Variants in TET3 observed in about 807,000 individuals in gnomAD.
TET3 encodes tet methylcytosine dioxygenase 3.
A neutral mutation model predicts 141.4 loss-of-function variants in TET3; 19 were observed. The ratio of observed to expected loss-of-function variants is 0.13; its 90% CI spans 0.09 to 0.20. The LOEUF is 0.20. Ranked by LOEUF, TET3 falls within the 10% of genes least tolerant of loss-of-function variation. TET3 has a pLI of 1.00. For missense variants in TET3, 1,874 were observed against 2,356.9 expected (o/e 0.80, Z 4.24); for synonymous variants, 1,043 against 980.9 (o/e 1.06, Z -1.18).
the TET3 span, among the ~76,000 whole-genome samples, chr2:74,118,615 G>T: frequency 6.6e-6 from 1 of 152,102 alleles, no homozygotes; most frequent in African/African-American, 2.4e-5. Context: ...GTATATGTGG[G>T]TTAGTCAGAA....
intron 3 of TET3, among the ~76,000 whole-genome samples, chr2:74,016,824 A>T (rs1487405963): frequency 1.4e-4 from 20 of 142,810 alleles, no homozygotes; most frequent in Non-Finnish European, 2.5e-4. Flanking sequence ...TATTTAATTG[A>T]CACATAATTA....
intron 3 of TET3, among the ~76,000 whole-genome samples, chr2:74,036,902 G>T (rs1687093714): frequency 6.6e-6 from 1 of 152,116 alleles, no homozygotes; most frequent in African/African-American, 2.4e-5. Context: ...TATCACCCCA[G>T]CCACTGACAG....
At chr2:74,134,949 G>A in the TET3 span, 2 of 328,752 alleles carry the variant, frequency 6.1e-6, no homozygotes, top group Non-Finnish European at 1.2e-5. Flanking sequence ...CATCTGATTG[G>A]CTGAGTCTGG....
chr2:74,065,193 A>T (rs1310770406), intron 4 of TET3, among the ~76,000 whole-genome samples: 1 of 152,242 alleles, frequency 6.6e-6, no homozygotes, highest in Admixed American at 6.5e-5. Context: ...AACTCATAGA[A>T]ATTATGCATA....
intron 4 of TET3, among the ~76,000 whole-genome samples, chr2:74,067,059 C>T (rs1220203778): frequency 6.6e-6 from 1 of 152,122 alleles, no homozygotes; most frequent in South Asian, 2.1e-4. Flanking sequence ...TTTCAGACCA[C>T]TGCCTCCATC....
At chr2:74,119,571 G>C in the TET3 span, among the ~76,000 whole-genome samples, 3 of 152,090 alleles carry the variant, frequency 2.0e-5, no homozygotes, top group African/African-American at 7.2e-5. Flanking sequence ...TTTGACTTTT[G>C]GCTAAGGCAA....
intron 11 of TET3, among the ~76,000 whole-genome samples, chr2:74,100,066 G>GGGT (rs1691091761): frequency 6.6e-6 from 1 of 152,148 alleles, no homozygotes; most frequent in Non-Finnish European, 1.5e-5. Flanking sequence ...GGCACAGAGT[G>GGGT]GGTGGTGGTG....
chr2:74,120,495 T>C, the TET3 span, among the ~76,000 whole-genome samples: 2 of 152,340 alleles, frequency 1.3e-5, no homozygotes, highest in South Asian at 4.1e-4. Flanking sequence ...TGGCCGGTTA[T>C]TCACACGTTC....
At chr2:74,048,697 G>A (rs1170583686) in intron 4 of TET3, among the ~76,000 whole-genome samples, 1 of 152,140 alleles carries the variant, frequency 6.6e-6, no homozygotes, top group Non-Finnish European at 1.5e-5. Context: ...TAGTACTTGC[G>A]CCGAGCCCTA....
At chr2:74,036,254 G>A (rs180986837) in intron 3 of TET3, among the ~76,000 whole-genome samples, 8 of 152,292 alleles carry the variant, frequency 5.3e-5, no homozygotes, top group South Asian at 2.1e-4. Context: ...GTGGGGCCAC[G>A]ATTCAAACTA....
rs61217149 is a variant in TET3 at position 74,032,451 on chromosome 2, C to CTGTG, written c.361-13773_361-13770dup. On this transcript the variant is annotated intron_variant, in intron 3 of 11. Coordinates refer to ENST00000409262, the MANE Select transcript of TET3 (RefSeq NM_001287491.2). ...CAGCGGCTGCAAGAGGGGTGTGTCT[C>CTGTG]TGTGTGTGTGTGTGTGTGTGTGTGT... Among the ~76,000 whole-genome samples the CTGTG allele has an allele frequency of 3.3e-3, 240 of 71,938 alleles. 7 individuals carry two copies. The highest frequency in any genetic ancestry group is 0.014 in the East Asian group (44 of 3,140). 47.2% of individuals were successfully genotyped at this position (71,938 alleles called of 152,430 possible). A position where few individuals can be genotyped will look rare whatever the true frequency, so the allele number is the denominator to read the frequency against.
At chr2:74,016,159 A>G (rs994402201) in intron 3 of TET3, among the ~76,000 whole-genome samples, 1 of 151,978 alleles carries the variant, frequency 6.6e-6, no homozygotes, top group African/African-American at 2.4e-5. Context: ...CTTGAGGCCA[A>G]GAGTTCTAGA....
chr2:73,998,270 T>A (rs1189541694), intron 2 of TET3: 1 of 152,184 alleles, frequency 6.6e-6, no homozygotes, highest in African/African-American at 2.4e-5. Flanking sequence ...CTTGGAACAT[T>A]TGATGGTTCA....
rs767479348 is a variant in TET3, at chr2:74,099,387, G to A, written c.3379G>A (p.Glu1127Lys). 13 of 1,613,900 alleles carry A rather than the reference G, an allele frequency of 8.1e-6. No homozygotes were observed. Among genetic ancestry groups the A allele is most frequent in the East Asian group, 4.5e-5 (2 of 44,892 alleles). Reference sequence around the variant, plus strand: ...GGCCAACACGGATGAGTTTGGTAGCGAGGAGAACCAGAATGCAAAGGTGGG... The same window carrying A: ...GGCCAACACGGATGAGTTTGGTAGCAAGGAGAACCAGAATGCAAAGGTGGG... Reference protein sequence around the residue: ...KMANTDEFGSEENQNAKVGSG... With the variant: ...KMANTDEFGSKENQNAKVGSG... The change falls in exon 11 of 12, where the codon GAG becomes AAG. Residue 1127 changes from glutamate to lysine, a missense_variant. Transcript: ENST00000409262.
chr2:73,993,850 G>T (rs1684448288), intron 2 of TET3: 1 of 152,318 alleles, frequency 6.6e-6, no homozygotes. Context: ...CCCAGTAGTA[G>T]ATGGTGGTGG....
chr2:74,120,715 A>G, the TET3 span: 4 of 152,482 alleles, frequency 2.6e-5, no homozygotes, highest in East Asian at 1.9e-4. Context: ...TAGAAAATCG[A>G]TAGTCTTGAG....
At chr2:74,054,573 T>G (rs1284656479) in intron 4 of TET3, among the ~76,000 whole-genome samples, 1 of 152,168 alleles carries the variant, frequency 6.6e-6, no homozygotes, top group Non-Finnish European at 1.5e-5. Context: ...ACTGAAAATG[T>G]TCAGTCCTGA....
chr2:74,110,189 G>C (rs944036783), downstream of TET3, among the ~76,000 whole-genome samples: 1 of 151,998 alleles, frequency 6.6e-6, no homozygotes, highest in Non-Finnish European at 1.5e-5. Flanking sequence ...TGCCAAATCA[G>C]GTCCACTAAC....
At chr2:74,018,472 T>C (rs1353103557) in intron 3 of TET3, among the ~76,000 whole-genome samples, 2 of 152,222 alleles carry the variant, frequency 1.3e-5, no homozygotes, top group East Asian at 3.8e-4. Context: ...TTCAGATTTC[T>C]AAGGTGAGAT....
Sources: allele counts gnomAD v4.1 joint callset (sites outside exome capture counted in the v4.1 genomes callset), GRCh38; gene constraint gnomAD v4.1.1; transcripts MANE v1.5; gene names NCBI Gene and HGNC (gene_info 2026-07-23, HGNC 2026-07-21).